Variants in VMAC observed in about 807,000 individuals in gnomAD.
VMAC encodes vimentin-type intermediate filament-associated coiled-coil protein.
In VMAC, 8 loss-of-function variants were observed where a neutral mutation model predicts 4.8. That is an observed-to-expected ratio of 1.68 (90% confidence interval 0.99 to 3.03). The LOEUF is 3.03. Ranked by LOEUF, VMAC falls within the 30% of genes most tolerant of loss-of-function variation. VMAC has a pLI of 0.00. For synonymous variants in VMAC, 96 were observed against 113.7 expected (o/e 0.84, Z 0.99); for missense variants, 248 against 245.1 (o/e 1.01, Z -0.08).
At position 5,908,343 on chromosome 19, in the gene VMAC, G is replaced by T. The variant is rs907726354; in HGVS notation, c.192-481G>T. Among the ~76,000 whole-genome samples the T allele has an allele frequency of 2.0e-5, 3 of 150,538 alleles. No individual in the cohort carries two copies. Among genetic ancestry groups the T allele is most frequent in the African/African-American group, 7.4e-5 (3 of 40,802 alleles). The stretch of plus-strand genomic sequence containing the variant: ...CAGAAATTATAATAATAGGCTGGGC[G>T]TGGTGGCTCACGCCTGTAATCCCAG... On this transcript the variant is annotated intron_variant, in intron 1 of 1. Coordinates refer to ENST00000339485, the MANE Select transcript of VMAC (RefSeq NM_001017921.4). This position sits in a 1 kb window ranked among gnomAD's most constrained non-coding sequence, Gnocchi z 4.5.
At chr19:5,905,171 C>A in intron 1 of VMAC, 90 bp downstream of exon 1, 1 of 1,271,676 alleles carries the variant, frequency 7.9e-7, no homozygotes, top group Non-Finnish European at 1.0e-6. Flanking sequence ...CAGGGGGAAC[C>A]GTGTGCACTT....
rs754958553 is a variant in VMAC, at chr19:5,909,009, G to C, written c.377G>C (p.Arg126Pro). ...GLLDALAEAE[R>P]LGPLPASDPG... Reference sequence around the variant, plus strand: ...CTGGATGCCCTGGCTGAGGCTGAGCGCCTGGGGCCCCTGCCGGCCAGTGAC... The same window carrying C: ...CTGGATGCCCTGGCTGAGGCTGAGCCCCTGGGGCCCCTGCCGGCCAGTGAC... The change falls in exon 2 of 2, where the codon CGC (arginine) becomes CCC (proline). Residue 126 changes from arginine (R) to proline (P), a missense_variant. Arg to Pro is a moderately radical substitution (Grantham distance 103, BLOSUM62 -2). Transcript: ENST00000339485. 1.5e-5 allele frequency: 24 copies of C among 1,597,168 alleles called. No individual in the cohort carries two copies. Among genetic ancestry groups the C allele is most frequent in the Non-Finnish European group, 2.0e-5 (24 of 1,172,504 alleles).
chr19:5,905,160 G>A (rs2057673982), intron 1 of VMAC, 79 bp downstream of exon 1: 3 of 1,311,134 alleles, frequency 2.3e-6, no homozygotes, highest in Non-Finnish European at 2.9e-6. Context: ...GCGAGGAAGG[G>A]CAGGGGGAAC....
intron 1 of VMAC, among the ~76,000 whole-genome samples, chr19:5,905,654 C>A (rs1357869672): frequency 6.6e-6 from 1 of 151,974 alleles, no homozygotes; most frequent in Admixed American, 6.6e-5. Flanking sequence ...CTCCTGACCT[C>A]AGGTGATCCG....
At chr19:5,905,583 T>C (rs563015029) in intron 1 of VMAC, among the ~76,000 whole-genome samples, 10 of 146,820 alleles carry the variant, frequency 6.8e-5, no homozygotes, top group East Asian at 6.1e-4. Context: ...CCACGCCCGG[T>C]CGATTTTTTG....
In VMAC at chr19:5,904,994, G is replaced by T; in HGVS notation, c.104G>T (p.Arg35Leu). 2 of 1,461,650 alleles carry T rather than the reference G, an allele frequency of 1.4e-6. No homozygotes were observed. Among genetic ancestry groups the T allele is most frequent in the South Asian group, 1.3e-5 (1 of 74,752 alleles). The allele number at this position is 1,461,650 out of a possible 1,614,324, so 90.5% of individuals were successfully genotyped here. A position where few individuals can be genotyped will look rare whatever the true frequency, so the allele number is the denominator to read the frequency against. ...GAGGCGCGGCTGGACGCGGCGGAGC[G>T]CACGGTGCACGCCCAAGCCGAGCGC... ...ELEARLDAAE[R>L]TVHAQAERLA... The change falls in exon 1 of 2, where the codon CGC (arginine) becomes CTC (leucine). Residue 35 changes from arginine to leucine, a missense_variant. By Grantham distance (102) the Arg-to-Leu change is moderately radical (BLOSUM62 -2). Coordinates refer to ENST00000339485, the MANE Select transcript of VMAC (RefSeq NM_001017921.4).
intron 1 of VMAC, 36 bp downstream of exon 1, chr19:5,905,117 G>A: frequency 6.0e-6 from 8 of 1,335,410 alleles, no homozygotes; most frequent in Non-Finnish European, 7.6e-6. Context: ...ACTTCACCGA[G>A]GCGGTAGGCG....
At chr19:5,906,457 CTG>C (rs1384960076) in intron 1 of VMAC, among the ~76,000 whole-genome samples, 1 of 152,256 alleles carries the variant, frequency 6.6e-6, no homozygotes, top group African/African-American at 2.4e-5. Flanking sequence ...TGAGCACCTA[CTG>C]TGTGTCAGGC....
chr19:5,908,005 C>T lies in VMAC; in HGVS notation c.192-819C>T, dbSNP rs1410960858. 1.3e-5 allele frequency among the ~76,000 whole-genome samples: 2 copies of T among 152,186 alleles called. No individual in the cohort carries two copies. The highest frequency in any genetic ancestry group is 2.1e-4 in the South Asian group (1 of 4,838). On this transcript the variant is annotated intron_variant, in intron 1 of 1. Transcript: ENST00000339485. The surrounding 1 kb of genome is among the most constrained non-coding windows in gnomAD (Gnocchi z 4.5). ...ATCGTGAGAATGGACTAATACACCT[C>T]CCATTGGGGTTAGGACTTCATCATA...
At position 5,909,482 on chromosome 19, in the gene VMAC, TTG is replaced by T; in HGVS notation, c.*342_*343del. On this transcript the variant is annotated 3_prime_UTR_variant, in exon 2 of 2. Transcript: ENST00000339485. ...TAGCCAGGGTGTGAGTTTCTGTTTT[TTG>T]TTTTTTTTTTTTTAAGACAGAGTCC... The T allele has an allele frequency of 1.7e-5, 3 of 181,366 alleles. No individual in the cohort carries two copies. The highest frequency in any genetic ancestry group is 1.4e-4 in the East Asian group (1 of 7,342). The allele number at this position is 181,366 out of a possible 1,614,324, so 11.2% of individuals were successfully genotyped here.
rs562211703 is a variant in VMAC at position 5,904,952 on chromosome 19, G to C, written c.62G>C (p.Arg21Pro). The C allele has an allele frequency of 1.5e-5, 22 of 1,480,042 alleles. 1 individual carries two copies. The highest frequency in any genetic ancestry group is 4.8e-5 in the Admixed American group (2 of 41,324). The allele number at this position is 1,480,042 out of a possible 1,614,324, so 91.7% of individuals were successfully genotyped here. A position where few individuals can be genotyped will look rare whatever the true frequency, so the allele number is the denominator to read the frequency against. ...AACGCACACCTGGCAGCCGTGCACC[G>C]GCGCGCAGCGGAGCTGGAGGCGCGG... is the stretch of plus-strand genomic sequence containing the variant. Reference protein sequence around the residue: ...EANAHLAAVHRRAAELEARLD... With the variant: ...EANAHLAAVHPRAAELEARLD... Residue 21 changes from arginine (R) to proline (P), a missense_variant, in exon 1 of 2, where the codon CGG becomes CCG. Coordinates refer to ENST00000339485, the MANE Select transcript of VMAC (RefSeq NM_001017921.4).
rs1482905978 is a variant in VMAC, at chr19:5,908,662, A to G, written c.192-162A>G. 1.3e-5 allele frequency among the ~76,000 whole-genome samples: 2 copies of G among 152,092 alleles called. No individual in the cohort carries two copies. The highest frequency in any genetic ancestry group is 2.9e-5 in the Non-Finnish European group (2 of 68,020). On this transcript the variant is annotated intron_variant, in intron 1 of 1. Coordinates refer to ENST00000339485, the MANE Select transcript of VMAC (RefSeq NM_001017921.4). This position sits in a 1 kb window ranked among gnomAD's most constrained non-coding sequence, Gnocchi z 4.5. ...AAAATATAATAATAATAATAAAAACAAAGAAACATTCTGTTCATAACCAGG... is the reference window on the plus strand; with the variant it reads ...AAAATATAATAATAATAATAAAAACGAAGAAACATTCTGTTCATAACCAGG...
chr19:5,909,056 G>A lies in VMAC; in HGVS notation c.424G>A (p.Gly142Arg), dbSNP rs2057689235. The change falls in exon 2 of 2, where the codon GGG (glycine) becomes AGG (arginine). Residue 142 changes from glycine to arginine, a missense_variant. Physicochemically the swap from Gly to Arg is moderately radical, Grantham distance 125. Coordinates refer to ENST00000339485, the MANE Select transcript of VMAC (RefSeq NM_001017921.4). ...TGACCCCGGCCACCCACCCCCCGGTGGGCCTGGTCCACCCCTTGACAACAG... is the reference window on the plus strand; with the variant it reads ...TGACCCCGGCCACCCACCCCCCGGTAGGCCTGGTCCACCCCTTGACAACAG... ...ASDPGHPPPGGPGPPLDNSTG... is the reference protein window; with the variant it reads ...ASDPGHPPPGRPGPPLDNSTG... The A allele has an allele frequency of 6.4e-7, 1 of 1,563,714 alleles. No homozygotes were observed. Among genetic ancestry groups the A allele is most frequent in the Non-Finnish European group, 8.6e-7 (1 of 1,157,230 alleles).
Position 5,905,068 on chromosome 19 carries a change from C to A in VMAC, c.178C>A (p.Arg60Ser). The A allele has an allele frequency of 3.7e-6, 5 of 1,359,518 alleles. No homozygotes were observed. The South Asian group carries it at 5.4e-5, about 15-fold the overall frequency. The allele number at this position is 1,359,518 out of a possible 1,614,324, so 84.2% of individuals were successfully genotyped here. A position where few individuals can be genotyped will look rare whatever the true frequency, so the allele number is the denominator to read the frequency against. ...QLRAALDELG[R>S]AKDREIATLQ... ...GCGCGCCGCCCTAGACGAACTGGGT[C>A]GCGCCAAGGACCGGTGAGGCCCGGG... Residue 60 changes from arginine to serine, a missense_variant, in exon 1 of 2, where the codon CGC (arginine) becomes AGC (serine). Arg to Ser is a moderately radical substitution (Grantham distance 110). Coordinates refer to ENST00000339485, the MANE Select transcript of VMAC (RefSeq NM_001017921.4).
At chr19:5,905,870 A>AT (rs1046445356) in intron 1 of VMAC, among the ~76,000 whole-genome samples, 2 of 151,684 alleles carry the variant, frequency 1.3e-5, no homozygotes, top group African/African-American at 2.4e-5. Context: ...TATTTTTTGT[A>AT]TTTTTTTGTA....
In VMAC at chr19:5,909,223, G is replaced by T; in HGVS notation, c.*81G>T. On this transcript the variant is annotated 3_prime_UTR_variant, in exon 2 of 2. Coordinates refer to ENST00000339485, the MANE Select transcript of VMAC (RefSeq NM_001017921.4). ...GGGAGTCACCAGCACCCTGCAGGGG[G>T]ACCCTACGGCAGAGCCAAAGTCCTG... is the stretch of plus-strand genomic sequence containing the variant. 6.9e-7 allele frequency: 1 copy of T among 1,454,542 alleles called. No individual in the cohort carries two copies. Among genetic ancestry groups the T allele is most frequent in the East Asian group, 2.5e-5 (1 of 40,286 alleles). The allele number at this position is 1,454,542 out of a possible 1,614,324, so 90.1% of individuals were successfully genotyped here. A position where few individuals can be genotyped will look rare whatever the true frequency, so the allele number is the denominator to read the frequency against.
chr19:5,908,930 C>G lies in VMAC; in HGVS notation c.298C>G (p.Arg100Gly), dbSNP rs143508698. ...RDELIRQLQP[R>G]AELLQDICRR... is the part of the protein sequence containing the mutation. ...CGAGCTCATTAGGCAGTTGCAGCCC[C>G]GGGCTGAGCTGCTGCAGGACATCTG... Residue 100 changes from arginine to glycine, a missense_variant, in exon 2 of 2, where the codon CGG becomes GGG. Arg to Gly is a moderately radical substitution (Grantham distance 125). Coordinates refer to ENST00000339485, the MANE Select transcript of VMAC (RefSeq NM_001017921.4). The surrounding 1 kb of genome is among the most constrained non-coding windows in gnomAD (Gnocchi z 4.5). The G allele has an allele frequency of 6.2e-7, 1 of 1,613,598 alleles. No homozygotes were observed.
chr19:5,908,747 C>T lies in VMAC; in HGVS notation c.192-77C>T. 6.6e-7 allele frequency: 1 copy of T among 1,520,538 alleles called. No homozygotes were observed. Among genetic ancestry groups the T allele is most frequent in the Non-Finnish European group, 9.0e-7 (1 of 1,112,724 alleles). 94.2% of individuals were successfully genotyped at this position (1,520,538 alleles called of 1,614,324 possible). A position where few individuals can be genotyped will look rare whatever the true frequency, so the allele number is the denominator to read the frequency against. On this transcript the variant is annotated intron_variant, in intron 1 of 1. Coordinates refer to ENST00000339485, the MANE Select transcript of VMAC (RefSeq NM_001017921.4). This position sits in a 1 kb window ranked among gnomAD's most constrained non-coding sequence, Gnocchi z 4.5. Reference sequence around the variant, plus strand: ...TTATCCCAAAGGTGATGGGGAACCTCTTGCGGGTCCAGAGCAGGGAGGAGC... The same window carrying T: ...TTATCCCAAAGGTGATGGGGAACCTTTTGCGGGTCCAGAGCAGGGAGGAGC...
chr19:5,910,765 G>A lies in VMAC; in HGVS notation c.*1623G>A, dbSNP rs913226201. The A allele has an allele frequency of 6.7e-6, 1 of 148,716 alleles. No homozygotes were observed. Among genetic ancestry groups the A allele is most frequent in the Non-Finnish European group, 1.5e-5 (1 of 66,684 alleles). The allele number at this position is 148,716 out of a possible 1,614,324, so 9.2% of individuals were successfully genotyped here. Reference sequence around the variant, plus strand: ...CACACTCCGGGTCTGGAGGGCCAGGGCCACTTCCAATTCTGGGGGAAGTTA... The same window carrying A: ...CACACTCCGGGTCTGGAGGGCCAGGACCACTTCCAATTCTGGGGGAAGTTA... On this transcript the variant is annotated 3_prime_UTR_variant, in exon 2 of 2. Coordinates refer to ENST00000339485, the MANE Select transcript of VMAC (RefSeq NM_001017921.4).
Sources: allele counts gnomAD v4.1 joint callset (sites outside exome capture counted in the v4.1 genomes callset), GRCh38; gene constraint gnomAD v4.1.1; non-coding constraint Gnocchi (gnomAD v3.1); transcripts MANE v1.5; gene names NCBI Gene and HGNC (gene_info 2026-07-23, HGNC 2026-07-21).